ZNF518B: variants seen among roughly 807,000 people sequenced by gnomAD.
The protein encoded by ZNF518B is zinc finger protein 518B.
ZNF518B carries 23 observed loss-of-function variants against 56.3 expected under a neutral mutation model. That is an observed-to-expected ratio of 0.41 (90% CI 0.29 to 0.58). The LOEUF (loss-of-function observed/expected upper bound fraction) is 0.58. Among genes scored for constraint, ZNF518B ranks in the 20% least tolerant of loss-of-function variants. The probability of loss-of-function intolerance (pLI) is 0.32; values close to 1 mark genes in which losing one functional copy is unlikely to be tolerated. For missense variants in ZNF518B, 1,460 were observed against 1,272.1 expected, an observed-to-expected ratio of 1.15 and a Z score of -2.25; for synonymous variants, 529 against 465.9, an observed-to-expected ratio of 1.14 and a Z score of -1.74.
At chr4:10,459,414 T>C (rs1425515709), upstream of ZNF518B, among the ~76,000 whole-genome samples, 1 of 152,194 alleles carries the variant, frequency 6.6e-6, no homozygotes, top group Non-Finnish European at 1.5e-5. Context: ...CATGTCTTCT[T>C]CTCCACCCCC....
In ZNF518B at chr4:10,446,368, A is replaced by G. The variant is rs531760927; in HGVS notation, c.-40T>C. 1 of 1,567,644 alleles carries G rather than the reference A, an allele frequency of 6.4e-7. No individual in the cohort carries two copies. Among genetic ancestry groups the G allele is most frequent in the Non-Finnish European group, 8.7e-7 (1 of 1,147,120 alleles). On this transcript the variant is annotated 5_prime_UTR_variant, in exon 3 of 3. Coordinates refer to ENST00000326756, the MANE Select transcript of ZNF518B (RefSeq NM_053042.3). ...TAAAAAGAGCCAACTAAAATTCAGA[A>G]AGTTTTCACATGATAAAATCCTTAG...
rs938342872 is a variant in ZNF518B at position 10,441,905 on chromosome 4, A to C, written c.*1199T>G. On this transcript the variant is annotated 3_prime_UTR_variant, in exon 3 of 3. Coordinates refer to ENST00000326756, the MANE Select transcript of ZNF518B (RefSeq NM_053042.3). ...TAGAAACAGCGTTACTATCAATGAAAACTAGGGATCGTGTTCCTGTAACTT... is the reference window on the plus strand; with the variant it reads ...TAGAAACAGCGTTACTATCAATGAACACTAGGGATCGTGTTCCTGTAACTT... The C allele has an allele frequency of 6.6e-6, 1 of 152,196 alleles. No individual in the cohort carries two copies. Among genetic ancestry groups the C allele is most frequent in the Admixed American group, 6.5e-5 (1 of 15,278 alleles). 9.4% of individuals were successfully genotyped at this position (152,196 alleles called of 1,614,324 possible). A position where few individuals can be genotyped will look rare whatever the true frequency, so the allele number is the denominator to read the frequency against.
chr4:10,443,439 T>C lies in ZNF518B; in HGVS notation c.2890A>G (p.Asn964Asp). ...TTGAGGACATTGCCTTTGTATTTAT[T>C]TATTACCTTCATCACATTGGTCACT... ...PEVTNVMKVI[N>D]KYKGNVLKVV... The change falls in exon 3 of 3, where the codon AAT (asparagine) becomes GAT (aspartate). Residue 964 changes from asparagine to aspartate, a missense_variant. Asn to Asp is a conservative substitution (Grantham distance 23). Coordinates refer to ENST00000326756, the MANE Select transcript of ZNF518B (RefSeq NM_053042.3). 1.2e-6 allele frequency: 2 copies of C among 1,614,214 alleles called. No individual in the cohort carries two copies. The highest frequency in any genetic ancestry group is 1.7e-6 in the Non-Finnish European group (2 of 1,180,028).
At chr4:10,460,808 C>G (rs1715722137), upstream of ZNF518B, among the ~76,000 whole-genome samples, 1 of 152,132 alleles carries the variant, frequency 6.6e-6, no homozygotes, top group Non-Finnish European at 1.5e-5. Context: ...TATGACTTGA[C>G]AAAAACAGCA....
rs1387730792 is a variant in ZNF518B, at chr4:10,442,515, C to T, written c.*589G>A. 6.6e-6 allele frequency: 1 copy of T among 152,048 alleles called. No individual in the cohort carries two copies. Among genetic ancestry groups the T allele is most frequent in the Non-Finnish European group, 1.5e-5 (1 of 68,026 alleles). The allele number at this position is 152,048 out of a possible 1,614,324, so 9.4% of individuals were successfully genotyped here. The stretch of plus-strand genomic sequence containing the variant: ...AGTTGAAAACATTCTTTAAAATGGC[C>T]AGTAAAAGCAAAACTCTTTGTGCTA... On this transcript the variant is annotated 3_prime_UTR_variant, in exon 3 of 3. Transcript: ENST00000326756.
intron 2 of ZNF518B, among the ~76,000 whole-genome samples, chr4:10,446,995 T>C (rs1715087158): frequency 6.6e-6 from 1 of 152,368 alleles, no homozygotes; most frequent in South Asian, 2.1e-4. Context: ...GTTTCTACAT[T>C]ATAGCTTATT....
chr4:10,446,397 A>C lies in ZNF518B; in HGVS notation c.-69T>G. 4.2e-6 allele frequency: 6 copies of C among 1,437,666 alleles called. No individual in the cohort carries two copies. In the South Asian group the frequency reaches 7.6e-5, roughly 18 times the overall value. 89.1% of individuals were successfully genotyped at this position (1,437,666 alleles called of 1,614,324 possible). A position where few individuals can be genotyped will look rare whatever the true frequency, so the allele number is the denominator to read the frequency against. ...TTTCACATGATAAAATCCTTAGGAG[A>C]TATCCTTCTATACAGTTTGTGATGG... is the stretch of plus-strand genomic sequence containing the variant. On this transcript the variant is annotated 5_prime_UTR_variant, in exon 3 of 3. Coordinates refer to ENST00000326756, the MANE Select transcript of ZNF518B (RefSeq NM_053042.3).
At chr4:10,455,774 AGT>A (rs1337557607) in intron 1 of ZNF518B, among the ~76,000 whole-genome samples, 2 of 152,374 alleles carry the variant, frequency 1.3e-5, no homozygotes, top group African/African-American at 4.8e-5. Flanking sequence ...TACGCAAAAA[AGT>A]GTTATTTTTG....
In ZNF518B at chr4:10,445,745, C is replaced by A; in HGVS notation, c.584G>T (p.Cys195Phe). Residue 195 changes from cysteine (C) to phenylalanine (F), a missense_variant, in exon 3 of 3, where the codon TGT becomes TTT. Physicochemically the swap from Cys to Phe is radical, Grantham distance 205 (BLOSUM62 -2). Coordinates refer to ENST00000326756, the MANE Select transcript of ZNF518B (RefSeq NM_053042.3). The stretch of plus-strand genomic sequence containing the variant: ...ATCATTTCTAATAGCACCATAGTCA[C>A]AATACTCACACTGATAAGGAAATAT... ...TGIFPYQCEYCDYGAIRNDYI... is the reference protein window; with the variant it reads ...TGIFPYQCEYFDYGAIRNDYI... The A allele has an allele frequency of 6.2e-7, 1 of 1,614,184 alleles. No homozygotes were observed. The highest frequency in any genetic ancestry group is 8.5e-7 in the Non-Finnish European group (1 of 1,180,038).
chr4:10,457,458 G>A (rs1210492744), upstream of ZNF518B: 1 of 152,134 alleles, frequency 6.6e-6, no homozygotes, highest in African/African-American at 2.4e-5. Context: ...AATGTGAAGC[G>A]GCGGCGCGGC....
Position 10,446,085 on chromosome 4 carries a change from C to T in ZNF518B, c.244G>A (p.Gly82Ser), listed in dbSNP as rs769394798. 2.5e-5 allele frequency: 40 copies of T among 1,614,004 alleles called. No homozygotes were observed. The highest frequency in any genetic ancestry group is 2.0e-4 in the Admixed American group (12 of 60,008). The part of the protein sequence containing the change: ...QDLQKGTGKD[G>S]MYVCFQCSLG... ...CTGCACTGGAAGCAGACATACATAC[C>T]GTCCTTCCCTGTACCCTTCTGCAAA... Residue 82 changes from glycine to serine, a missense_variant, in exon 3 of 3, where the codon GGT becomes AGT. Coordinates refer to ENST00000326756, the MANE Select transcript of ZNF518B (RefSeq NM_053042.3).
rs538766178 is a variant in ZNF518B at position 10,446,414 on chromosome 4, T to G, written c.-86A>C. On this transcript the variant is annotated 5_prime_UTR_variant, in exon 3 of 3. Coordinates refer to ENST00000326756, the MANE Select transcript of ZNF518B (RefSeq NM_053042.3). The stretch of plus-strand genomic sequence containing the variant: ...CTTAGGAGATATCCTTCTATACAGT[T>G]TGTGATGGGTAGGGGCGCAGCTACT... 8.4e-4 allele frequency: 1,086 copies of G among 1,291,680 alleles called. 7 individuals are homozygous for G. The highest frequency in any genetic ancestry group is 8.6e-4 in the Admixed American group (41 of 47,804). 80.0% of individuals were successfully genotyped at this position (1,291,680 alleles called of 1,614,324 possible).
chr4:10,443,365 A>T lies in ZNF518B; in HGVS notation c.2964T>A (p.His988Gln). The T allele has an allele frequency of 4.3e-6, 7 of 1,614,254 alleles. No homozygotes were observed. The highest frequency in any genetic ancestry group is 5.9e-6 in the Non-Finnish European group (7 of 1,180,048). The change falls in exon 3 of 3, where the codon CAT becomes CAA. Residue 988 changes from histidine (H) to glutamine (Q), a missense_variant. By Grantham distance (24) the His-to-Gln change is conservative (BLOSUM62 0). Coordinates refer to ENST00000326756, the MANE Select transcript of ZNF518B (RefSeq NM_053042.3). ...CATTCTGGTAGGTCAGGCGTACATGATGCCGTCTGATGCCTAGCTGACACC... is the reference window on the plus strand; with the variant it reads ...CATTCTGGTAGGTCAGGCGTACATGTTGCCGTCTGATGCCTAGCTGACACC... ...RTRCQLGIRRHHVRLTYQNAE... is the reference protein window; with the variant it reads ...RTRCQLGIRRQHVRLTYQNAE...
upstream of ZNF518B, among the ~76,000 whole-genome samples, chr4:10,460,267 T>C (rs1715699053): frequency 8.1e-6 from 1 of 123,700 alleles, no homozygotes; most frequent in Non-Finnish European, 1.6e-5. Context: ...AACGAGCCAC[T>C]GCACTCCAGC....
At chr4:10,458,325 T>G (rs990480047), upstream of ZNF518B, among the ~76,000 whole-genome samples, 4 of 152,030 alleles carry the variant, frequency 2.6e-5, no homozygotes, top group Non-Finnish European at 5.9e-5. Context: ...AGCTAAAGTT[T>G]ATTTCAAAGC....
chr4:10,447,775 G>A (rs1366108815), intron 2 of ZNF518B, among the ~76,000 whole-genome samples: 1 of 149,560 alleles, frequency 6.7e-6, no homozygotes, highest in Non-Finnish European at 1.5e-5. Context: ...TCAGCCTCCC[G>A]AGTAGCTGGG....
At chr4:10,451,279 G>A (rs922704157) in intron 2 of ZNF518B, 1 of 152,158 alleles carries the variant, frequency 6.6e-6, no homozygotes, top group African/African-American at 2.4e-5. Context: ...TATTAAAAAC[G>A]AAGCATTTGA....
Position 10,443,004 on chromosome 4 carries a change from C to G in ZNF518B, c.*100G>C. The G allele has an allele frequency of 9.3e-7, 1 of 1,074,008 alleles. No homozygotes were observed. Among genetic ancestry groups the G allele is most frequent in the Non-Finnish European group, 1.3e-6 (1 of 757,252 alleles). The allele number at this position is 1,074,008 out of a possible 1,614,324, so 66.5% of individuals were successfully genotyped here. A position where few individuals can be genotyped will look rare whatever the true frequency, so the allele number is the denominator to read the frequency against. ...ACAGTTCTGAAGAATTAGCAGTCCT[C>G]TCATTTCTACAGTCTGTATTTCTTC... On this transcript the variant is annotated 3_prime_UTR_variant, in exon 3 of 3. Transcript: ENST00000326756.
At chr4:10,458,822 C>T (rs1715650885), upstream of ZNF518B, among the ~76,000 whole-genome samples, 1 of 152,160 alleles carries the variant, frequency 6.6e-6, no homozygotes, top group Non-Finnish European at 1.5e-5. Flanking sequence ...CTGAAAATCT[C>T]TAGTGGCAAA....
Sources: allele counts gnomAD v4.1 joint callset (sites outside exome capture counted in the v4.1 genomes callset), GRCh38; gene constraint gnomAD v4.1.1; transcripts MANE v1.5; gene names NCBI Gene and HGNC (gene_info 2026-07-23, HGNC 2026-07-21).